ARFGEF2: variants seen among roughly 807,000 people sequenced by gnomAD.
ARFGEF2 encodes ARF guanine nucleotide exchange factor 2.
Under a neutral mutation model 219.9 loss-of-function variants are expected in ARFGEF2, and 74 were observed. That is an observed-to-expected ratio of 0.34 (90% CI 0.28 to 0.41). The LOEUF is 0.41. ARFGEF2 is among the 10% of genes least tolerant of loss of function. The pLI, the probability that ARFGEF2 is intolerant of heterozygous loss-of-function variation, is 1.00. For synonymous variants in ARFGEF2, 733 were observed against 799.2 expected (o/e 0.92, Z 1.40); for missense variants, 1,743 against 2,218.3 (o/e 0.79, Z 4.30).
At chr20:49,013,396 C>T (rs1472330080) in intron 28 of ARFGEF2, among the ~76,000 whole-genome samples, 168 bp from the exon 29 acceptor site, 4 of 151,774 alleles carry the variant, frequency 2.6e-5, no homozygotes, top group Non-Finnish European at 5.9e-5. Context: ...GCTCATATGC[C>T]CTTTGGGACA....
chr20:48,970,376 C>T (rs1051533026), intron 9 of ARFGEF2, among the ~76,000 whole-genome samples: 2 of 151,718 alleles, frequency 1.3e-5, no homozygotes, highest in East Asian at 1.9e-4. Flanking sequence ...TTTGGGAGGC[C>T]GAGGCGGGCG....
At chr20:48,971,487 C>G in intron 10 of ARFGEF2, 133 bp downstream of exon 10, 1 of 857,014 alleles carries the variant, frequency 1.2e-6, no homozygotes, top group Non-Finnish European at 1.8e-6. Context: ...TGTTTCATAT[C>G]TTACCATCCT....
rs764311308 is a variant in ARFGEF2 at position 48,985,448 on chromosome 20, A to C, written c.2111A>C (p.Asn704Thr). 1.2e-6 allele frequency: 2 copies of C among 1,614,200 alleles called. No individual in the cohort carries two copies. The highest frequency in any genetic ancestry group is 3.3e-5 in the Admixed American group (2 of 60,012). Reference protein sequence around the residue: ...GDFLGDSARFNKEVMYAYVDQ... With the variant: ...GDFLGDSARFTKEVMYAYVDQ... ...TTTCTGGGAGATAGCGCAAGGTTCA[A>C]CAAGGAGGTGATGTATGCCTACGTG... Residue 704 changes from asparagine to threonine, a missense_variant, in exon 16 of 39, where the codon AAC becomes ACC. Physicochemically the swap from Asn to Thr is moderately conservative, Grantham distance 65. Coordinates refer to ENST00000371917, the MANE Select transcript of ARFGEF2 (RefSeq NM_006420.3).
Position 48,951,409 on chromosome 20 carries a change from C to T in ARFGEF2, c.363C>T (p.Thr121=). The change falls in exon 4 of 39, where the codon ACC becomes ACT. Residue 121 remains threonine, a synonymous_variant. Transcript: ENST00000371917. ...GGCTGATCGACAGAATTGTTGAAAC[C>T]ATTTGCAGTTGTTTTCAGGGCCCTC... ...GKRLIDRIVE[T]ICSCFQGPQT... is the part of the protein sequence containing the mutation. 1 of 1,614,228 alleles carries T rather than the reference C, an allele frequency of 6.2e-7. No homozygotes were observed. The highest frequency in any genetic ancestry group is 1.7e-5 in the Admixed American group (1 of 60,028).
chr20:48,931,611 T>G (rs2123281131), intron 1 of ARFGEF2, among the ~76,000 whole-genome samples: 1 of 148,802 alleles, frequency 6.7e-6, no homozygotes, highest in African/African-American at 2.5e-5. Flanking sequence ...GGAAGTCCCC[T>G]GAGGAGGACA....
At chr20:48,999,616 G>A (rs530376304) in intron 25 of ARFGEF2, among the ~76,000 whole-genome samples, 42 of 151,954 alleles carry the variant, frequency 2.8e-4, no homozygotes, top group African/African-American at 9.9e-4. Context: ...GCGTGGTGGC[G>A]AGCGCCTGTA....
intron 7 of ARFGEF2, among the ~76,000 whole-genome samples, chr20:48,965,103 G>A (rs942108897): frequency 1.3e-5 from 2 of 152,084 alleles, no homozygotes; most frequent in African/African-American, 4.8e-5. Flanking sequence ...CTGTAAAATA[G>A]AAAAATTTTA....
Position 48,921,868 on chromosome 20 carries a change from C to G in ARFGEF2, c.-22C>G, listed in dbSNP as rs1320402450. On this transcript the variant is annotated 5_prime_UTR_variant, in exon 1 of 39. Coordinates refer to ENST00000371917, the MANE Select transcript of ARFGEF2 (RefSeq NM_006420.3). ...TCACGCCGCCCGCCCGCGGGGCCGT[C>G]AGCCCCCGCCGGGCCGGGGCCATGC... 9 of 1,515,008 alleles carry G rather than the reference C, an allele frequency of 5.9e-6. No homozygotes were observed. Among genetic ancestry groups the G allele is most frequent in the Admixed American group, 2.1e-5 (1 of 47,994 alleles). The allele number at this position is 1,515,008 out of a possible 1,614,324, so 93.8% of individuals were successfully genotyped here.
chr20:48,994,007 G>A (rs2091371978), intron 21 of ARFGEF2, among the ~76,000 whole-genome samples: 1 of 152,190 alleles, frequency 6.6e-6, no homozygotes, highest in Non-Finnish European at 1.5e-5. Context: ...CATGGTAATG[G>A]GAAGGTACGA....
intron 14 of ARFGEF2, among the ~76,000 whole-genome samples, chr20:48,979,007 T>C (rs1270229172): frequency 6.6e-6 from 1 of 152,196 alleles, no homozygotes; most frequent in Non-Finnish European, 1.5e-5. Context: ...CTCCCAACAC[T>C]GTGTTGAATG....
chr20:48,988,443 G>A lies in ARFGEF2; in HGVS notation c.2362-48G>A, dbSNP rs1413536678. 2.5e-6 allele frequency: 4 copies of A among 1,609,996 alleles called. No homozygotes were observed. In the African/African-American group the frequency reaches 4.0e-5, roughly 16 times the overall value. Reference sequence around the variant, plus strand: ...ATTAGCTAAATAAGTGGCTTTACTTGGGCAATTGGATGTTTTTTAAATGGT... The same window carrying A: ...ATTAGCTAAATAAGTGGCTTTACTTAGGCAATTGGATGTTTTTTAAATGGT... On this transcript the variant is annotated intron_variant, in intron 17 of 38. Transcript: ENST00000371917.
chr20:48,971,023 T>G (rs981495501), intron 9 of ARFGEF2, 97 bp from the exon 10 acceptor site: 2 of 992,200 alleles, frequency 2.0e-6, no homozygotes, highest in Non-Finnish European at 3.2e-6. Flanking sequence ...TTCTTTAAAA[T>G]TCTACTCATT....
chr20:48,935,937 CGG>C (rs1316582043), intron 1 of ARFGEF2, among the ~76,000 whole-genome samples: 2 of 81,388 alleles, frequency 2.5e-5, no homozygotes, highest in South Asian at 4.4e-4. Context: ...GGCGGCTGGC[CGG>C]GGGGGGGGGC....
intron 35 of ARFGEF2, among the ~76,000 whole-genome samples, chr20:49,023,473 T>C (rs986119670): frequency 4.6e-5 from 7 of 152,156 alleles, no homozygotes; most frequent in Non-Finnish European, 1.0e-4. Flanking sequence ...CCACTAGTGT[T>C]AGTTATCACA....
At chr20:48,929,155 C>G (rs2090897874) in intron 1 of ARFGEF2, among the ~76,000 whole-genome samples, 1 of 152,164 alleles carries the variant, frequency 6.6e-6, no homozygotes, top group Non-Finnish European at 1.5e-5. Flanking sequence ...CAAGGTTATC[C>G]TAGAAAAAAT....
Position 48,989,605 on chromosome 20 carries a change from G to A in ARFGEF2, c.2735G>A (p.Cys912Tyr). 6.2e-7 allele frequency: 1 copy of A among 1,614,252 alleles called. No individual in the cohort carries two copies. The change falls in exon 20 of 39, where the codon TGT becomes TAT. Residue 912 changes from cysteine to tyrosine, a missense_variant. By Grantham distance (194) the Cys-to-Tyr change is radical (BLOSUM62 -2). Around this residue, in one of 5 missense-constraint regions of ARFGEF2, gnomAD observed 666 missense variants for 955.4 expected, o/e 0.70. Coordinates refer to ENST00000371917, the MANE Select transcript of ARFGEF2 (RefSeq NM_006420.3). ...GCCTACAGCATCGGACTCCAGAACT[G>A]TGATGACACTGAAGTGGCCTCCTTG... ...LAAYSIGLQN[C>Y]DDTEVASLCL...
intron 6 of ARFGEF2, among the ~76,000 whole-genome samples, chr20:48,963,536 G>A (rs1425781975): frequency 6.6e-6 from 1 of 152,180 alleles, no homozygotes; most frequent in African/African-American, 2.4e-5. Context: ...AGTTGGGGGT[G>A]GTGGGGAGGG....
In ARFGEF2 at chr20:48,988,802, T is replaced by G. The variant is rs1600636937; in HGVS notation, c.2533+140T>G. On this transcript the variant is annotated intron_variant, in intron 18 of 38. Coordinates refer to ENST00000371917, the MANE Select transcript of ARFGEF2 (RefSeq NM_006420.3). ...AATGTGATTGAATTAATTATTGTGA[T>G]TATGTTGGGACTTTTATAATGTCAC... 2.3e-5 allele frequency: 19 copies of G among 831,488 alleles called. No individual in the cohort carries two copies. The South Asian group carries it at 3.1e-4, about 14-fold the overall frequency. The allele number at this position is 831,488 out of a possible 1,614,324, so 51.5% of individuals were successfully genotyped here.
chr20:48,927,055 T>C (rs557160281), intron 1 of ARFGEF2, among the ~76,000 whole-genome samples: 25 of 152,292 alleles, frequency 1.6e-4, no homozygotes, highest in Admixed American at 1.4e-3. Flanking sequence ...AAACAGATGG[T>C]GAGCATAGTC....
Sources: allele counts gnomAD v4.1 joint callset (sites outside exome capture counted in the v4.1 genomes callset), GRCh38; gene constraint gnomAD v4.1.1; regional missense constraint gnomAD v4.1.1; transcripts MANE v1.5; gene names NCBI Gene and HGNC (gene_info 2026-07-23, HGNC 2026-07-21).